Variants in PTPRD observed in about 807,000 individuals in gnomAD.
PTPRD encodes the protein receptor-type tyrosine-protein phosphatase delta.
PTPRD carries 34 observed loss-of-function variants against 214.5 expected under a neutral mutation model. The ratio of observed to expected loss-of-function variants is 0.16; its 90% CI spans 0.12 to 0.21. The LOEUF is 0.21. PTPRD is among the 10% of genes least tolerant of loss of function. The pLI, the probability that PTPRD is intolerant of heterozygous loss-of-function variation, is 1.00. For missense variants in PTPRD, 2,545 were observed against 2,398.7 expected (o/e 1.06, Z -1.27); for synonymous variants, 1,128 against 845.7 (o/e 1.33, Z -5.79).
At chr9:8,647,590 T>C (rs889138894) in intron 12 of PTPRD, among the ~76,000 whole-genome samples, 1 of 152,236 alleles carries the variant, frequency 6.6e-6, no homozygotes, top group African/African-American at 2.4e-5. Context: ...TTCAAAACTT[T>C]TTTGTAATCA....
At chr9:10,453,230 A>G (rs1404570983) in intron 2 of PTPRD, among the ~76,000 whole-genome samples, 2 of 151,586 alleles carry the variant, frequency 1.3e-5, no homozygotes, top group Non-Finnish European at 3.0e-5. Context: ...GACTTGTAAT[A>G]TAGTTTGAAA....
intron 43 of PTPRD, among the ~76,000 whole-genome samples, chr9:8,333,604 C>A (rs932549415): frequency 6.6e-6 from 1 of 152,084 alleles, no homozygotes; most frequent in Admixed American, 6.6e-5. Flanking sequence ...AAAAACATAC[C>A]AAATTGTAAA....
intron 2 of PTPRD, among the ~76,000 whole-genome samples, chr9:10,571,961 G>C (rs1249762400): frequency 6.6e-6 from 1 of 152,148 alleles, no homozygotes. Context: ...GAACAGACCA[G>C]TACCAGTCTG....
chr9:9,529,223 C>T (rs1338292358), intron 8 of PTPRD, among the ~76,000 whole-genome samples: 7 of 150,712 alleles, frequency 4.6e-5, no homozygotes, highest in Non-Finnish European at 7.4e-5. Flanking sequence ...TGAGCCACCA[C>T]GCCCACCGAA....
intron 7 of PTPRD, among the ~76,000 whole-genome samples, chr9:9,648,221 TA>T (rs111512866): frequency 0.012 from 1,766 of 147,842 alleles, 34 homozygotes; most frequent in African/African-American, 0.039. Flanking sequence ...TATAGCCTAT[TA>T]AAAAAAAAAC....
chr9:8,701,061 T>C (rs1196223543), intron 12 of PTPRD, among the ~76,000 whole-genome samples: 1 of 151,974 alleles, frequency 6.6e-6, no homozygotes, highest in African/African-American at 2.4e-5. Flanking sequence ...CTCAGGACGC[T>C]GAGGCAGGAG....
chr9:10,013,586 A>G (rs1442196941), intron 4 of PTPRD, among the ~76,000 whole-genome samples: 2 of 146,474 alleles, frequency 1.4e-5, no homozygotes, highest in East Asian at 3.9e-4. Flanking sequence ...GTAGTAGCTG[A>G]AAAAAAAAAT....
At chr9:8,936,639 T>C (rs1243180135) in intron 11 of PTPRD, among the ~76,000 whole-genome samples, 2 of 152,072 alleles carry the variant, frequency 1.3e-5, no homozygotes, top group African/African-American at 4.8e-5. Context: ...AAACAATCAC[T>C]ACATAGGAAT....
intron 2 of PTPRD, among the ~76,000 whole-genome samples, chr9:10,607,109 C>T (rs1276968308): frequency 1.3e-5 from 2 of 151,584 alleles, no homozygotes; most frequent in African/African-American, 2.4e-5. Context: ...TGTATATAAT[C>T]GAATATGAAA....
chr9:8,818,708 C>T (rs1222927346), intron 11 of PTPRD, among the ~76,000 whole-genome samples: 2 of 152,310 alleles, frequency 1.3e-5, no homozygotes, highest in East Asian at 3.9e-4. Flanking sequence ...CTTACAAGAG[C>T]ACTGCTTCTT....
chr9:10,428,644 T>C (rs1565973551), intron 2 of PTPRD, among the ~76,000 whole-genome samples: 1 of 152,088 alleles, frequency 6.6e-6, no homozygotes, highest in Non-Finnish European at 1.5e-5. Flanking sequence ...TAATAAACTT[T>C]AAAAGGTCAA....
At chr9:9,378,926 A>C (rs1596676267) in intron 9 of PTPRD, among the ~76,000 whole-genome samples, 1 of 151,810 alleles carries the variant, frequency 6.6e-6, no homozygotes, top group East Asian at 1.9e-4. Context: ...TATCCTTTGT[A>C]AATATTTTCT....
In PTPRD at chr9:9,382,917, T is replaced by C. The variant is rs559107186; in HGVS notation, c.-203+14532A>G. Among the ~76,000 whole-genome samples, 16 of 152,096 alleles carry C rather than the reference T, an allele frequency of 1.1e-4. No individual in the cohort carries two copies. The South Asian group carries it at 2.7e-3, about 26-fold the overall frequency. On this transcript the variant is annotated intron_variant, in intron 9 of 45. Coordinates refer to ENST00000381196, the MANE Select transcript of PTPRD (RefSeq NM_002839.4). Reference sequence around the variant, plus strand: ...AACAACCAACCTAAATGCCCACCAATAGATAAATGGATAAATGAAAATGTT... The same window carrying C: ...AACAACCAACCTAAATGCCCACCAACAGATAAATGGATAAATGAAAATGTT...
chr9:10,202,660 A>G (rs1404356997), intron 3 of PTPRD, among the ~76,000 whole-genome samples: 1 of 129,862 alleles, frequency 7.7e-6, no homozygotes, highest in African/African-American at 3.0e-5. Flanking sequence ...CCTACTTATA[A>G]AAATTATATG....
chr9:9,711,518 T>C (rs950860355), intron 7 of PTPRD, among the ~76,000 whole-genome samples: 2 of 152,138 alleles, frequency 1.3e-5, no homozygotes, highest in Non-Finnish European at 2.9e-5. Flanking sequence ...ATTAGACTAC[T>C]TAATATCTTG....
intron 5 of PTPRD, among the ~76,000 whole-genome samples, chr9:9,923,899 A>C (rs1451160014): frequency 1.3e-5 from 2 of 152,022 alleles, no homozygotes; most frequent in Non-Finnish European, 2.9e-5. Context: ...AAAGACAGGG[A>C]GTCTTAGAGA....
At chr9:10,356,229 A>G (rs1271802639) in intron 2 of PTPRD, among the ~76,000 whole-genome samples, 3 of 152,128 alleles carry the variant, frequency 2.0e-5, no homozygotes, top group Non-Finnish European at 4.4e-5. Context: ...ATTAGCAACA[A>G]GAAGTAAAGT....
intron 7 of PTPRD, among the ~76,000 whole-genome samples, chr9:9,618,869 C>G (rs192136729): frequency 2.0e-5 from 3 of 151,618 alleles, no homozygotes; most frequent in Admixed American, 6.6e-5. Context: ...TTAGGGAAGG[C>G]CCTGGAAAAT....
chr9:9,776,987 C>T (rs2098803289), intron 5 of PTPRD, among the ~76,000 whole-genome samples: 1 of 152,112 alleles, frequency 6.6e-6, no homozygotes. Context: ...CTAAAAATAC[C>T]TTTTAAATTG....
Sources: allele counts gnomAD v4.1 joint callset (sites outside exome capture counted in the v4.1 genomes callset), GRCh38; gene constraint gnomAD v4.1.1; transcripts MANE v1.5; gene names NCBI Gene and HGNC (gene_info 2026-07-23, HGNC 2026-07-21).